PSMA8: variants seen among roughly 807,000 people sequenced by gnomAD.
The protein encoded by PSMA8 is proteasome 20S subunit alpha 8, also known as proteasome subunit alpha-type 8.
A neutral mutation model predicts 32.4 loss-of-function variants in PSMA8; 18 were observed. The ratio of observed to expected loss-of-function variants is 0.56; its 90% confidence interval spans 0.38 to 0.82. The LOEUF (loss-of-function observed/expected upper bound fraction) is 0.82, where lower values mean the gene tolerates loss of function less well. PSMA8 is among the 40% of genes least tolerant of loss of function. The pLI is 0.00. For missense variants in PSMA8, 298 were observed against 300.7 expected (o/e 0.99, Z 0.07); for synonymous variants, 104 against 98.1 (o/e 1.06, Z -0.36).
chr18:26,157,846 T>C (rs1431397718), intron 3 of PSMA8, among the ~76,000 whole-genome samples: 2 of 152,138 alleles, frequency 1.3e-5, no homozygotes, highest in African/African-American at 4.8e-5. Flanking sequence ...GAAATTACAG[T>C]CTAGTGATGT....
Position 26,192,663 on chromosome 18 carries a change from ACT to A in PSMA8, c.*255_*256del, listed in dbSNP as rs2055413700. The A allele has an allele frequency of 4.3e-6, 1 of 235,256 alleles. No individual in the cohort carries two copies. The highest frequency in any genetic ancestry group is 7.9e-6 in the Non-Finnish European group (1 of 127,172). The allele number at this position is 235,256 out of a possible 1,614,324, so 14.6% of individuals were successfully genotyped here. A position where few individuals can be genotyped will look rare whatever the true frequency, so the allele number is the denominator to read the frequency against. On this transcript the variant is annotated 3_prime_UTR_variant, in exon 7 of 7. Transcript: ENST00000415576. ...AGTCATAATTCCACATAAGCCTGAGACTCTATAATTTGTCCAGTGTCTTACTT... is the reference window on the plus strand; with the variant it reads ...AGTCATAATTCCACATAAGCCTGAGACTATAATTTGTCCAGTGTCTTACTT...
At chr18:26,188,927 C>T (rs9945185) in intron 6 of PSMA8, among the ~76,000 whole-genome samples, 128 of 152,156 alleles carry the variant, frequency 8.4e-4, no homozygotes, top group African/African-American at 2.8e-3. Flanking sequence ...CATTGGTCTG[C>T]GCAAAATATT....
At position 26,191,793 on chromosome 18, in the gene PSMA8, G is replaced by T. The variant is rs148017361; in HGVS notation, c.661-526G>T. On this transcript the variant is annotated intron_variant, in intron 6 of 6. Coordinates refer to ENST00000415576, the MANE Select transcript of PSMA8 (RefSeq NM_001025096.2). ...TTATAGCCGCAAGCATGTAACCTTG[G>T]ATCTACTTGTGAACAGTACAACAGA... Among the ~76,000 whole-genome samples, 8 of 152,234 alleles carry T rather than the reference G, an allele frequency of 5.3e-5. No homozygotes were observed. In the East Asian group the frequency reaches 1.5e-3, roughly 29 times the overall value.
chr18:26,175,815 C>T (rs976864728), intron 4 of PSMA8, among the ~76,000 whole-genome samples: 4 of 152,152 alleles, frequency 2.6e-5, no homozygotes, highest in African/African-American at 9.7e-5. Context: ...CTCTTTTAGT[C>T]TTAGTCTTTT....
chr18:26,187,778 TGTAAA>T (rs1317163615), intron 6 of PSMA8, among the ~76,000 whole-genome samples: 2 of 152,208 alleles, frequency 1.3e-5, no homozygotes, highest in East Asian at 3.9e-4. Context: ...AACCTAGATA[TGTAAA>T]GTAAACATTA....
chr18:26,172,806 T>A (rs1405573061), intron 4 of PSMA8, among the ~76,000 whole-genome samples: 1 of 152,170 alleles, frequency 6.6e-6, no homozygotes, highest in African/African-American at 2.4e-5. Context: ...GTGCCATTGG[T>A]GGCACAGAGG....
At chr18:26,145,318 A>G (rs1213360817) in intron 2 of PSMA8, among the ~76,000 whole-genome samples, 2 of 151,980 alleles carry the variant, frequency 1.3e-5, no homozygotes, top group Non-Finnish European at 2.9e-5. Flanking sequence ...GGGTTTCTCC[A>G]TGTTGGTCAG....
intron 2 of PSMA8, among the ~76,000 whole-genome samples, chr18:26,149,626 G>C (rs1394372562): frequency 2.0e-5 from 3 of 152,176 alleles, no homozygotes; most frequent in African/African-American, 7.2e-5. Flanking sequence ...ATAAATCCTT[G>C]CATGTATGAT....
chr18:26,188,918 A>T (rs184747954), intron 6 of PSMA8, among the ~76,000 whole-genome samples: 24 of 152,340 alleles, frequency 1.6e-4, no homozygotes, highest in Admixed American at 4.6e-4. Flanking sequence ...TCCCCAGGAC[A>T]TTGGTCTGCG....
intron 4 of PSMA8, among the ~76,000 whole-genome samples, chr18:26,177,995 C>T (rs541325791): frequency 1.3e-5 from 2 of 152,290 alleles, no homozygotes; most frequent in South Asian, 4.1e-4. Flanking sequence ...GGGAGGATCA[C>T]ATGAGTCCAG....
In PSMA8 at chr18:26,151,953, A is replaced by C. The variant is rs1180388046; in HGVS notation, c.325A>C (p.Ile109Leu). 1 of 1,604,954 alleles carries C rather than the reference A, an allele frequency of 6.2e-7. No homozygotes were observed. The highest frequency in any genetic ancestry group is 1.7e-5 in the Admixed American group (1 of 57,218). The change falls in exon 3 of 7, where the codon ATA (isoleucine) becomes CTA (leucine). Residue 109 changes from isoleucine (I) to leucine (L), a missense_variant. Transcript: ENST00000415576. Reference protein sequence around the residue: ...TVEDPVTVEYITRFIATLKQK... With the variant: ...TVEDPVTVEYLTRFIATLKQK... The stretch of plus-strand genomic sequence containing the variant: ...TGAGGACCCAGTCACTGTAGAATAC[A>C]TAACTCGCTTCATAGCAACTTTAAA...
intron 2 of PSMA8, among the ~76,000 whole-genome samples, chr18:26,147,594 T>A (rs2055014305): frequency 6.6e-6 from 1 of 152,142 alleles, no homozygotes; most frequent in South Asian, 2.1e-4. Flanking sequence ...AAGTAATAAA[T>A]CCCTGATGAC....
Position 26,157,986 on chromosome 18 carries a change from G to C in PSMA8, c.355-136G>C, listed in dbSNP as rs959018920. The C allele has an allele frequency of 5.4e-5, 33 of 609,002 alleles. No individual in the cohort carries two copies. In the East Asian group the frequency reaches 9.6e-4, roughly 18 times the overall value. 37.7% of individuals were successfully genotyped at this position (609,002 alleles called of 1,614,324 possible). ...TCATGAATTGAGATTGCTCCAGAAA[G>C]GGTTAGGAAAAAGATCATTAATATA... On this transcript the variant is annotated intron_variant, in intron 3 of 6. Transcript: ENST00000415576.
At chr18:26,134,328 G>GGTGTGTGTGTGTGT (rs1473190847) in intron 1 of PSMA8, among the ~76,000 whole-genome samples, 16 of 149,536 alleles carry the variant, frequency 1.1e-4, no homozygotes, top group African/African-American at 4.0e-4. Context: ...GCAAAACTAG[G>GGTGTGTGTGTGTGT]GTGTGTGTGT....
At chr18:26,153,905 A>T (rs1253159060) in intron 3 of PSMA8, among the ~76,000 whole-genome samples, 2 of 151,636 alleles carry the variant, frequency 1.3e-5, no homozygotes, top group Non-Finnish European at 2.9e-5. Context: ...TTTTATTTTT[A>T]TTTTTTTATT....
chr18:26,150,685 T>C (rs1307093934), intron 2 of PSMA8, among the ~76,000 whole-genome samples: 1 of 152,256 alleles, frequency 6.6e-6, no homozygotes, highest in African/African-American at 2.4e-5. Context: ...AAAACAGACA[T>C]ACACATAACT....
intron 1 of PSMA8, among the ~76,000 whole-genome samples, chr18:26,139,768 G>A (rs986873671): frequency 1.3e-5 from 2 of 152,192 alleles, no homozygotes; most frequent in Non-Finnish European, 2.9e-5. Flanking sequence ...AAACCAGGTT[G>A]TTGTGGGCTG....
chr18:26,187,325 C>T (rs150334369), intron 6 of PSMA8, among the ~76,000 whole-genome samples: 14 of 151,982 alleles, frequency 9.2e-5, no homozygotes, highest in South Asian at 6.2e-4. Flanking sequence ...CCAGCCTGGG[C>T]GACAGAGCAA....
In PSMA8 at chr18:26,151,655, A is replaced by G. The variant is rs955669013; in HGVS notation, c.230-203A>G. Among the ~76,000 whole-genome samples, 3 of 152,244 alleles carry G rather than the reference A, an allele frequency of 2.0e-5. 1 individual carries two copies. Among genetic ancestry groups the G allele is most frequent in the East Asian group, 3.8e-4 (2 of 5,202 alleles). On this transcript the variant is annotated intron_variant, in intron 2 of 6. Transcript: ENST00000415576. ...TTTAAAACATCTATAAAAAACAAAT[A>G]AGAATGGATCAACTTAAATCTTGAA...
Sources: allele counts gnomAD v4.1 joint callset (sites outside exome capture counted in the v4.1 genomes callset), GRCh38; gene constraint gnomAD v4.1.1; transcripts MANE v1.5; gene names NCBI Gene and HGNC (gene_info 2026-07-23, HGNC 2026-07-21).